The following KANSL2 variants were observed in gnomAD, a reference collection of about 807,000 sequenced individuals.
KANSL2 encodes KAT8 regulatory NSL complex subunit 2, also known as NSL complex protein NSL2.
A neutral mutation model predicts 55.6 loss-of-function variants in KANSL2; 34 were observed. The ratio of observed to expected loss-of-function variants is 0.61; its 90% CI spans 0.46 to 0.81. KANSL2 has a LOEUF of 0.81. KANSL2 is among the 40% of genes least tolerant of loss of function. KANSL2 has a pLI of 0.00. For missense variants in KANSL2, 502 were observed against 609.9 expected, an observed-to-expected ratio of 0.82 and a Z score of 1.86; for synonymous variants, 209 against 214.3, an observed-to-expected ratio of 0.98 and a Z score of 0.22.
intron 7 of KANSL2, among the ~76,000 whole-genome samples, chr12:48,661,854 T>C (rs1327605114): frequency 1.3e-5 from 2 of 152,068 alleles, no homozygotes; most frequent in Non-Finnish European, 2.9e-5. Context: ...TCCATCTGAG[T>C]TGTAACAACC....
At chr12:48,673,084 T>C (rs964686689) in intron 4 of KANSL2, among the ~76,000 whole-genome samples, 1 of 152,058 alleles carries the variant, frequency 6.6e-6, no homozygotes, top group Non-Finnish European at 1.5e-5. Flanking sequence ...TTAAAAAATA[T>C]AGGCCTATAT....
intron 7 of KANSL2, chr12:48,661,195 C>CA: frequency 1.2e-6 from 1 of 856,666 alleles, no homozygotes; most frequent in Non-Finnish European, 1.4e-6. Flanking sequence ...ATATACATGC[C>CA]TTTTTTTTTT....
At chr12:48,678,808 T>C (rs1022330515) in intron 4 of KANSL2, among the ~76,000 whole-genome samples, 1 of 152,164 alleles carries the variant, frequency 6.6e-6, no homozygotes, top group Non-Finnish European at 1.5e-5. Flanking sequence ...TTCTCATACG[T>C]AGAATTTGGT....
chr12:48,673,140 C>A (rs1939758022), intron 4 of KANSL2, among the ~76,000 whole-genome samples: 1 of 152,172 alleles, frequency 6.6e-6, no homozygotes, highest in Non-Finnish European at 1.5e-5. Flanking sequence ...ATGGGCTATA[C>A]CCTGTCCTCA....
rs367826136 is a variant in KANSL2 at position 48,667,657 on chromosome 12, C to T, written c.973+36G>A. On this transcript the variant is annotated intron_variant, in intron 7 of 9. Coordinates refer to ENST00000420613, the MANE Select transcript of KANSL2 (RefSeq NM_017822.4). ...AGATTCCCACTAGTCTTCAAACTAG[C>T]AAACCACAGCCTTAACAGGCAGAGT... 39 of 1,500,458 alleles carry T rather than the reference C, an allele frequency of 2.6e-5. No homozygotes were observed. In the African/African-American group the frequency reaches 5.0e-4, roughly 19 times the overall value. 92.9% of individuals were successfully genotyped at this position (1,500,458 alleles called of 1,614,324 possible).
Position 48,653,463 on chromosome 12 carries a change from C to G in KANSL2, c.*581G>C, listed in dbSNP as rs1939320519. On this transcript the variant is annotated 3_prime_UTR_variant, in exon 10 of 10. Transcript: ENST00000420613. ...CATTTTCTTTAACATTTAATAGAAA[C>G]TATATACAATAAATTTTTACTATAT... 1.3e-5 allele frequency: 2 copies of G among 152,564 alleles called. No individual in the cohort carries two copies. Among genetic ancestry groups the G allele is most frequent in the African/African-American group, 2.4e-5 (1 of 41,418 alleles). The allele number at this position is 152,564 out of a possible 1,614,324, so 9.5% of individuals were successfully genotyped here.
intron 7 of KANSL2, chr12:48,661,368 A>C (rs920995522): frequency 1.1e-5 from 2 of 179,564 alleles, no homozygotes; most frequent in Non-Finnish European, 2.1e-5. Context: ...TATATTTCCA[A>C]GTTAGCAAAG....
chr12:48,655,029 C>T lies in KANSL2; in HGVS notation c.1259G>A (p.Cys420Tyr). 6.3e-7 allele frequency: 1 copy of T among 1,584,402 alleles called. No homozygotes were observed. Among genetic ancestry groups the T allele is most frequent in the Non-Finnish European group, 8.6e-7 (1 of 1,164,908 alleles). ...ATCAAAAAGCAAAGGTGAAGGAGGA[C>T]ACTGCATACCATCACCCACAACATC... ...DLDVVGDGMQ[C>Y]PPSPLLFDPS... is the part of the protein sequence containing the mutation. Residue 420 changes from cysteine to tyrosine, a missense_variant, in exon 9 of 10, where the codon TGT becomes TAT. By Grantham distance (194) the Cys-to-Tyr change is radical. Coordinates refer to ENST00000420613, the MANE Select transcript of KANSL2 (RefSeq NM_017822.4).
chr12:48,662,993 T>C (rs1218332626), intron 7 of KANSL2, among the ~76,000 whole-genome samples: 1 of 152,212 alleles, frequency 6.6e-6, no homozygotes, highest in African/African-American at 2.4e-5. Flanking sequence ...TTTCATGCAA[T>C]TTCAGACACC....
intron 7 of KANSL2, among the ~76,000 whole-genome samples, chr12:48,667,155 G>C (rs1013029821): frequency 6.6e-6 from 1 of 152,148 alleles, no homozygotes; most frequent in African/African-American, 2.4e-5. Context: ...TTGCACTCCA[G>C]CCTGGGAGAC....
chr12:48,673,038 C>A (rs1235480542), intron 4 of KANSL2, among the ~76,000 whole-genome samples: 1 of 152,062 alleles, frequency 6.6e-6, no homozygotes, highest in Non-Finnish European at 1.5e-5. Flanking sequence ...GGATTACAGG[C>A]ATGAGCCACT....
chr12:48,682,200 C>T lies in KANSL2; in HGVS notation c.-23G>A. The T allele has an allele frequency of 1.5e-6, 1 of 670,952 alleles. No homozygotes were observed. The highest frequency in any genetic ancestry group is 2.7e-6 in the Non-Finnish European group (1 of 368,756). 41.6% of individuals were successfully genotyped at this position (670,952 alleles called of 1,614,324 possible). ...CCGCCATCTTACCTCAGGAGCTGCGCTGCGCCGCACTCTGCCGCGCCGCTC... is the reference window on the plus strand; with the variant it reads ...CCGCCATCTTACCTCAGGAGCTGCGTTGCGCCGCACTCTGCCGCGCCGCTC... On this transcript the variant is annotated 5_prime_UTR_variant, in exon 1 of 10. Transcript: ENST00000420613.
In KANSL2 at chr12:48,656,495, G is replaced by A. The variant is rs76717378; in HGVS notation, c.1228-1435C>T. On this transcript the variant is annotated intron_variant, in intron 8 of 9. Transcript: ENST00000420613. ...TCACCATGTTAGCCAGGATGGCCTT[G>A]ATCTCCCGACCAGTGATTGGCCCAC... Among the ~76,000 whole-genome samples, 886 of 151,226 alleles carry A rather than the reference G, an allele frequency of 5.9e-3. 8 individuals carry two copies. Among genetic ancestry groups the A allele is most frequent in the African/African-American group, 0.02 (809 of 41,246 alleles).
chr12:48,666,630 T>C (rs989329386), intron 7 of KANSL2, among the ~76,000 whole-genome samples: 1 of 150,984 alleles, frequency 6.6e-6, no homozygotes, highest in Non-Finnish European at 1.5e-5. Flanking sequence ...GAGGTGGAAG[T>C]TGCAGTGAGC....
chr12:48,665,707 T>C (rs977348054), intron 7 of KANSL2, among the ~76,000 whole-genome samples: 2 of 152,236 alleles, frequency 1.3e-5, no homozygotes, highest in Non-Finnish European at 2.9e-5. Context: ...ATAAGCACTT[T>C]CACAATTCAA....
rs776259692 is a variant in KANSL2 at position 48,654,172 on chromosome 12, G to C, written c.1351C>G (p.Gln451Glu). 3.8e-6 allele frequency: 6 copies of C among 1,597,552 alleles called. No homozygotes were observed. In the Admixed American group the frequency reaches 9.1e-5, roughly 24 times the overall value. ...IAEDPVDILGQMQMAGDGCRS... is the reference protein window; with the variant it reads ...IAEDPVDILGEMQMAGDGCRS... ...CACCCATCTCCAGCCATCTGCATCTGGCCCTGTTAAAAGAAATAAAGGCAC... is the reference window on the plus strand; with the variant it reads ...CACCCATCTCCAGCCATCTGCATCTCGCCCTGTTAAAAGAAATAAAGGCAC... The change falls in exon 10 of 10, where the codon CAG becomes GAG. Residue 451 changes from glutamine (Q) to glutamate (E), a missense_variant. Gln to Glu is a conservative substitution (Grantham distance 29). Transcript: ENST00000420613.
At position 48,654,031 on chromosome 12, in the gene KANSL2, G is replaced by T; in HGVS notation, c.*13C>A. The T allele has an allele frequency of 6.4e-7, 1 of 1,562,748 alleles. No homozygotes were observed. Among genetic ancestry groups the T allele is most frequent in the Non-Finnish European group, 8.6e-7 (1 of 1,158,878 alleles). ...AATTTAAATCCACCAAAGTAAAATG[G>T]TTCCCCAAACTATCAACTAATAGAA... On this transcript the variant is annotated 3_prime_UTR_variant, in exon 10 of 10. Transcript: ENST00000420613.
At chr12:48,673,534 T>C (rs1271999314) in intron 4 of KANSL2, among the ~76,000 whole-genome samples, 1 of 147,386 alleles carries the variant, frequency 6.8e-6, no homozygotes, top group African/African-American at 2.5e-5. Context: ...CATTCCAGCC[T>C]GGGTGACAGA....
At chr12:48,677,257 T>G (rs532996385) in intron 4 of KANSL2, among the ~76,000 whole-genome samples, 2 of 152,288 alleles carry the variant, frequency 1.3e-5, no homozygotes, top group South Asian at 4.1e-4. Context: ...TTTCCACATT[T>G]GTATTTCTCA....
Sources: gnomAD v4.1 joint callset for allele counts (sites outside exome capture counted in the v4.1 genomes callset) on GRCh38, gnomAD v4.1.1 for gene constraint, MANE v1.5 for transcripts, NCBI Gene and HGNC (gene_info 2026-07-23, HGNC 2026-07-21) for gene names.